The following ZNF236 variants were observed in gnomAD, a reference collection of about 807,000 sequenced individuals.
The protein encoded by ZNF236 is regulated by glucose.
A neutral mutation model predicts 191.2 loss-of-function variants in ZNF236; 50 were observed. The ratio of observed to expected loss-of-function variants is 0.26; its 90% CI spans 0.21 to 0.33. ZNF236 has a LOEUF of 0.33. Ranked by LOEUF, ZNF236 falls within the 10% of genes least tolerant of loss-of-function variation. The pLI, the probability that ZNF236 is intolerant of heterozygous loss-of-function variation, is 1.00. For missense variants in ZNF236, 1,754 were observed against 2,374.5 expected (o/e 0.74, Z 5.43); for synonymous variants, 907 against 928.8 (o/e 0.98, Z 0.43).
intron 1 of ZNF236, among the ~76,000 whole-genome samples, chr18:76,831,375 T>G (rs1194890872): frequency 1.3e-5 from 2 of 152,238 alleles, no homozygotes; most frequent in Non-Finnish European, 2.9e-5. Flanking sequence ...GCTTGATAGG[T>G]ATTTCATTTT....
At chr18:76,961,826 G>C (rs181079434) in intron 30 of ZNF236, among the ~76,000 whole-genome samples, 52 of 152,130 alleles carry the variant, frequency 3.4e-4, no homozygotes, top group African/African-American at 1.2e-3. Context: ...TAGTGATGTT[G>C]AGCATTTTTT....
At chr18:76,959,123 G>GT (rs1968597345) in intron 28 of ZNF236, among the ~76,000 whole-genome samples, 1 of 152,256 alleles carries the variant, frequency 6.6e-6, no homozygotes, top group African/African-American at 2.4e-5. Context: ...GAAGGGAACA[G>GT]TTTCCTCTTG....
chr18:76,907,385 G>A (rs961595905), intron 13 of ZNF236, among the ~76,000 whole-genome samples: 12 of 152,190 alleles, frequency 7.9e-5, no homozygotes, highest in Non-Finnish European at 1.5e-4. Context: ...ACGGAGTCTC[G>A]CTCTGTTGCC....
chr18:76,871,040 T>TAG (rs1355223270), intron 4 of ZNF236, among the ~76,000 whole-genome samples: 1 of 152,080 alleles, frequency 6.6e-6, no homozygotes, highest in African/African-American at 2.4e-5. Flanking sequence ...CAATGGTGGC[T>TAG]AGAGGGTGGA....
chr18:76,853,033 A>G (rs1263603044), intron 3 of ZNF236, among the ~76,000 whole-genome samples: 1 of 151,244 alleles, frequency 6.6e-6, no homozygotes, highest in Admixed American at 6.6e-5. Context: ...ATCAGGGAGC[A>G]CCTTTATAAA....
intron 27 of ZNF236, among the ~76,000 whole-genome samples, chr18:76,955,729 C>G (rs1362357038): frequency 6.6e-6 from 1 of 152,172 alleles, no homozygotes; most frequent in Non-Finnish European, 1.5e-5. Context: ...GAATTTGCAC[C>G]TGGTCAGTGC....
At chr18:76,844,145 C>T (rs1975607129) in intron 1 of ZNF236, among the ~76,000 whole-genome samples, 1 of 150,892 alleles carries the variant, frequency 6.6e-6, no homozygotes, top group African/African-American at 2.4e-5. Context: ...GAGACTGATG[C>T]AGGAGAATTG....
At chr18:76,909,318 C>A (rs1205115050) in intron 14 of ZNF236, among the ~76,000 whole-genome samples, 836 of 119,282 alleles carry the variant, frequency 7.0e-3, no homozygotes, top group Middle Eastern at 8.8e-3. Context: ...GACTCTGTCT[C>A]AAAAAAAAAA....
At chr18:76,874,846 CA>C (rs770962883) in intron 5 of ZNF236, among the ~76,000 whole-genome samples, 33 of 152,282 alleles carry the variant, frequency 2.2e-4, no homozygotes, top group South Asian at 1.2e-3. Context: ...AGAGCAGGGG[CA>C]GGGGAGCTGA....
chr18:76,915,844 G>A lies in ZNF236; in HGVS notation c.3259G>A (p.Glu1087Lys). The A allele has an allele frequency of 6.2e-7, 1 of 1,612,598 alleles. No homozygotes were observed. The highest frequency in any genetic ancestry group is 8.5e-7 in the Non-Finnish European group (1 of 1,178,602). The change falls in exon 19 of 31, where the codon GAG becomes AAG. Residue 1087 changes from glutamate (E) to lysine (K), a missense_variant. Physicochemically the swap from Glu to Lys is moderately conservative, Grantham distance 56. Transcript: ENST00000320610. ...TVPSAVSATG[E>K]TEGGDICMEE... ...CCCCTCTGCTGTGTCAGCCACTGGA[G>A]AGACAGAAGGAGGAGGTATTTTCCA...
At chr18:76,863,891 A>G (rs1976320019) in intron 3 of ZNF236, among the ~76,000 whole-genome samples, 1 of 152,234 alleles carries the variant, frequency 6.6e-6, no homozygotes, top group Non-Finnish European at 1.5e-5. Flanking sequence ...GAACTTCAGA[A>G]AAGAAAGAAG....
chr18:76,862,387 A>C (rs954420734), intron 3 of ZNF236, among the ~76,000 whole-genome samples: 2 of 152,108 alleles, frequency 1.3e-5, no homozygotes, highest in Non-Finnish European at 2.9e-5. Context: ...TACAGCATTG[A>C]ACTTCTATCC....
intron 18 of ZNF236, among the ~76,000 whole-genome samples, chr18:76,914,344 T>C (rs1462455163): frequency 6.6e-6 from 1 of 152,248 alleles, no homozygotes; most frequent in African/African-American, 2.4e-5. Flanking sequence ...ATTGGAGTTA[T>C]TTCCATATTT....
chr18:76,899,090 G>C lies in ZNF236; in HGVS notation c.1762G>C (p.Ala588Pro). The change falls in exon 11 of 31, where the codon GCT (alanine) becomes CCT (proline). Residue 588 changes from alanine (A) to proline (P), a missense_variant. Physicochemically the swap from Ala to Pro is conservative, Grantham distance 27. This residue lies in a region of ZNF236 where 641 missense variants were observed against 869.6 expected (regional missense o/e 0.74). Coordinates refer to ENST00000320610, the MANE Select transcript of ZNF236 (RefSeq NM_001306089.2). ...RTSGHRKTHI[A>P]SHFKHTELRK... ...CTCAGGCCATAGGAAGACTCACATT[G>C]CTTCCCACTTTAAACATACGGAATT... 6.2e-7 allele frequency: 1 copy of C among 1,614,130 alleles called. No individual in the cohort carries two copies. Among genetic ancestry groups the C allele is most frequent in the Non-Finnish European group, 8.5e-7 (1 of 1,179,990 alleles).
intron 19 of ZNF236, among the ~76,000 whole-genome samples, chr18:76,918,949 G>A (rs1328993450): frequency 6.6e-6 from 1 of 152,160 alleles, no homozygotes; most frequent in Non-Finnish European, 1.5e-5. Flanking sequence ...TATGGATGTG[G>A]AAGGCACAGA....
At chr18:76,825,376 C>T (rs1425717449) in intron 1 of ZNF236, among the ~76,000 whole-genome samples, 1 of 152,006 alleles carries the variant, frequency 6.6e-6, no homozygotes, top group African/African-American at 2.4e-5. Context: ...GGCTTTTTCA[C>T]TCTGTTAATT....
intron 3 of ZNF236, among the ~76,000 whole-genome samples, chr18:76,863,643 G>A (rs1175187118): frequency 6.6e-6 from 1 of 151,102 alleles, no homozygotes; most frequent in East Asian, 1.9e-4. Context: ...GCCCAGGCTG[G>A]TCTCGAACTC....
intron 21 of ZNF236, among the ~76,000 whole-genome samples, chr18:76,923,882 T>A (rs757779404): frequency 6.6e-5 from 10 of 152,166 alleles, no homozygotes; most frequent in Non-Finnish European, 1.2e-4. Flanking sequence ...GTTTGGCCTT[T>A]GGTAAACACT....
intron 17 of ZNF236, among the ~76,000 whole-genome samples, chr18:76,912,668 T>G (rs578004583): frequency 6.6e-6 from 1 of 152,332 alleles, no homozygotes; most frequent in South Asian, 2.1e-4. Context: ...AAATTTATAT[T>G]ATGCCTTTTA....
Sources: gnomAD v4.1 joint callset for allele counts (sites outside exome capture counted in the v4.1 genomes callset) on GRCh38, gnomAD v4.1.1 for gene constraint, gnomAD v4.1.1 regional missense constraint, MANE v1.5 for transcripts, NCBI Gene and HGNC (gene_info 2026-07-23, HGNC 2026-07-21) for gene names.